The following CYP7B1 variants were observed in gnomAD, a reference collection of about 807,000 sequenced individuals.
The protein encoded by CYP7B1 is cytochrome P450 7B1.
Under a neutral mutation model 42.7 loss-of-function variants are expected in CYP7B1, and 29 were observed. That is an observed-to-expected ratio of 0.68 (90% CI 0.51 to 0.93). The LOEUF (loss-of-function observed/expected upper bound fraction) is 0.93, where lower values mean the gene tolerates loss of function less well. CYP7B1 is among the 40% of genes least tolerant of loss of function. The probability of loss-of-function intolerance (pLI) is 0.00; values close to 1 mark genes in which losing one functional copy is unlikely to be tolerated. For synonymous variants in CYP7B1, 235 were observed against 218.2 expected, an observed-to-expected ratio of 1.08 and a Z score of -0.68; for missense variants, 655 against 600.5, an observed-to-expected ratio of 1.09 and a Z score of -0.95.
downstream of CYP7B1, among the ~76,000 whole-genome samples, chr8:64,590,733 G>A (rs1461493887): frequency 2.6e-5 from 4 of 152,128 alleles, no homozygotes; most frequent in Non-Finnish European, 5.9e-5. Flanking sequence ...GGCAAGAAAT[G>A]GAGATGAGGA....
At chr8:64,793,606 G>A (rs982677012) in intron 1 of CYP7B1, among the ~76,000 whole-genome samples, 1 of 151,944 alleles carries the variant, frequency 6.6e-6, no homozygotes, top group Non-Finnish European at 1.5e-5. Context: ...ACTGCATTTC[G>A]TAACACATCC....
chr8:64,769,742 C>T (rs553596692), intron 1 of CYP7B1, among the ~76,000 whole-genome samples: 1 of 152,228 alleles, frequency 6.6e-6, no homozygotes, highest in South Asian at 2.1e-4. Context: ...TCGCTTTCTC[C>T]TCCCTCAAAT....
chr8:64,702,522 T>A (rs1806932474), intron 1 of CYP7B1, among the ~76,000 whole-genome samples: 1 of 152,048 alleles, frequency 6.6e-6, no homozygotes, highest in Admixed American at 6.6e-5. Context: ...TAAATACAAG[T>A]GACTTTGATA....
downstream of CYP7B1, among the ~76,000 whole-genome samples, chr8:64,589,165 T>C (rs1166829126): frequency 1.3e-5 from 2 of 152,224 alleles, no homozygotes; most frequent in Non-Finnish European, 2.9e-5. Context: ...TCCCTGCTCC[T>C]CTGTTGGATT....
intron 1 of CYP7B1, among the ~76,000 whole-genome samples, chr8:64,675,176 A>G (rs1806427202): frequency 6.6e-6 from 1 of 152,088 alleles, no homozygotes; most frequent in African/African-American, 2.4e-5. Context: ...CAAGTTCTTA[A>G]CTGTGCAAAA....
At chr8:64,655,610 A>G (rs960733390) in intron 1 of CYP7B1, among the ~76,000 whole-genome samples, 1 of 152,190 alleles carries the variant, frequency 6.6e-6, no homozygotes, top group Non-Finnish European at 1.5e-5. Flanking sequence ...AAGCAGTATG[A>G]CAATTTCTCA....
At chr8:64,696,930 A>G (rs1806837497) in intron 1 of CYP7B1, among the ~76,000 whole-genome samples, 2 of 152,174 alleles carry the variant, frequency 1.3e-5, no homozygotes, top group South Asian at 2.1e-4. Context: ...TTTCTTGTAC[A>G]TTTCTGGAAT....
intron 1 of CYP7B1, among the ~76,000 whole-genome samples, chr8:64,690,443 T>C (rs1280013359): frequency 3.3e-5 from 5 of 152,090 alleles, no homozygotes; most frequent in Non-Finnish European, 5.9e-5. Flanking sequence ...AACCCAGATG[T>C]TGTGTATTTT....
At chr8:64,640,070 T>C (rs1455959063) in intron 1 of CYP7B1, among the ~76,000 whole-genome samples, 1 of 152,118 alleles carries the variant, frequency 6.6e-6, no homozygotes, top group African/African-American at 2.4e-5. Flanking sequence ...TGATTCCATT[T>C]ATATGAAATT....
rs187858345 is a variant in CYP7B1, at chr8:64,631,277, T to C, written c.123-6738A>G. On this transcript the variant is annotated intron_variant, in intron 1 of 5. Transcript: ENST00000310193. The stretch of plus-strand genomic sequence containing the variant: ...ATTTACGCCAGGTATGCAAGGCTGG[T>C]TCAACATTCAAAAATGAATTAATGT... 9.0e-4 allele frequency among the ~76,000 whole-genome samples: 137 copies of C among 152,262 alleles called. 1 individual carries two copies. The highest frequency in any genetic ancestry group is 1.2e-3 in the Non-Finnish European group (82 of 68,022).
Position 64,596,796 on chromosome 8 carries a change from A to C in CYP7B1, c.1367T>G (p.Leu456Arg). The change falls in exon 6 of 6, where the codon CTT becomes CGT. Residue 456 changes from leucine to arginine, a missense_variant. Leu to Arg is a moderately radical substitution (Grantham distance 102). Transcript: ENST00000310193. ...TSKCPGRFFA[L>R]MEIKQLLVIL... is the part of the protein sequence containing the mutation. ...AACCAACAATTGTTTTATTTCCATA[A>C]GTGCAAAAAATCGGCCTGGACATTT... is the stretch of plus-strand genomic sequence containing the variant. The C allele has an allele frequency of 6.2e-7, 1 of 1,614,148 alleles. No homozygotes were observed. Among genetic ancestry groups the C allele is most frequent in the Non-Finnish European group, 8.5e-7 (1 of 1,180,006 alleles).
intron 1 of CYP7B1, among the ~76,000 whole-genome samples, chr8:64,640,955 A>G (rs1421482753): frequency 6.6e-6 from 1 of 152,216 alleles, no homozygotes; most frequent in East Asian, 1.9e-4. Context: ...TGGCTAAATG[A>G]GCCAAGATGA....
chr8:64,798,528 C>G lies in CYP7B1; in HGVS notation c.60G>C (p.Pro20=). 2.7e-6 allele frequency: 4 copies of G among 1,501,498 alleles called. No individual in the cohort carries two copies. Among genetic ancestry groups the G allele is most frequent in the Non-Finnish European group, 2.6e-6 (3 of 1,134,174 alleles). The allele number at this position is 1,501,498 out of a possible 1,614,324, so 93.0% of individuals were successfully genotyped here. The change falls in exon 1 of 6, where the codon CCG becomes CCC. Residue 20 remains proline (P), a synonymous_variant. Coordinates refer to ENST00000310193, the MANE Select transcript of CYP7B1 (RefSeq NM_004820.5). The part of the protein sequence containing the change: ...GRFSLERLGL[P]GLALAAALLL... Reference sequence around the variant, plus strand: ...GCAGGGCCGCGGCGAGGGCCAGGCCCGGGAGGCCCAACCGCTCCAGCGAAA... The same window carrying G: ...GCAGGGCCGCGGCGAGGGCCAGGCCGGGGAGGCCCAACCGCTCCAGCGAAA...
At chr8:64,645,863 G>A (rs1003172839) in intron 1 of CYP7B1, among the ~76,000 whole-genome samples, 5 of 152,028 alleles carry the variant, frequency 3.3e-5, no homozygotes, top group African/African-American at 1.2e-4. Context: ...TAGATCAATG[G>A]AACAGAACAG....
intron 1 of CYP7B1, among the ~76,000 whole-genome samples, chr8:64,630,031 A>G (rs548770037): frequency 6.6e-6 from 1 of 152,304 alleles, no homozygotes; most frequent in Admixed American, 6.5e-5. Flanking sequence ...GGCACATTTT[A>G]GCAATGAACG....
intron 1 of CYP7B1, among the ~76,000 whole-genome samples, chr8:64,755,026 G>A (rs773162402): frequency 1.3e-5 from 2 of 152,192 alleles, no homozygotes; most frequent in Non-Finnish European, 2.9e-5. Flanking sequence ...CAGCAACTTT[G>A]GGGAATGGAG....
intron 1 of CYP7B1, among the ~76,000 whole-genome samples, chr8:64,767,664 C>G (rs1804121441): frequency 6.6e-6 from 1 of 152,220 alleles, no homozygotes; most frequent in Non-Finnish European, 1.5e-5. Context: ...CTTTTCAAAA[C>G]TATCAAGCAG....
intron 5 of CYP7B1, among the ~76,000 whole-genome samples, chr8:64,604,035 A>G (rs1805239424): frequency 6.6e-6 from 1 of 152,212 alleles, no homozygotes. Flanking sequence ...CTGAAGCGGT[A>G]TTAAGGGATG....
At chr8:64,633,006 G>A (rs1805719950) in intron 1 of CYP7B1, among the ~76,000 whole-genome samples, 1 of 152,150 alleles carries the variant, frequency 6.6e-6, no homozygotes, top group African/African-American at 2.4e-5. Flanking sequence ...AACCAGAAGT[G>A]ACCAGACTAT....
Sources: gnomAD v4.1 joint callset for allele counts (sites outside exome capture counted in the v4.1 genomes callset) on GRCh38, gnomAD v4.1.1 for gene constraint, MANE v1.5 for transcripts, NCBI Gene and HGNC (gene_info 2026-07-23, HGNC 2026-07-21) for gene names.